The following TH variants were observed in gnomAD, a reference collection of about 807,000 sequenced individuals.
The protein encoded by TH is tyrosine 3-monooxygenase.
In TH, 49 loss-of-function variants were observed where a neutral mutation model predicts 57.4. The observed-to-expected ratio is 0.85, with a 90% CI of 0.68 to 1.08. TH has a LOEUF of 1.08. TH is among the 50% of genes least tolerant of loss of function. The pLI, the probability that TH is intolerant of heterozygous loss-of-function variation, is 0.00. For synonymous variants in TH, 330 were observed against 304.5 expected, an observed-to-expected ratio of 1.08 and a Z score of -0.87; for missense variants, 720 against 696.7, an observed-to-expected ratio of 1.03 and a Z score of -0.38.
chr11:2,166,634 G>C lies in TH; in HGVS notation c.976C>G (p.Pro326Ala). 1 of 1,579,930 alleles carries C rather than the reference G, an allele frequency of 6.3e-7. No individual in the cohort carries two copies. The highest frequency in any genetic ancestry group is 8.6e-7 in the Non-Finnish European group (1 of 1,164,248). The change falls in exon 8 of 13, where the codon CCG (proline) becomes GCG (alanine). Residue 326 changes from proline to alanine, a missense_variant and splice_region_variant. Coordinates refer to ENST00000352909, the MANE Select transcript of TH (RefSeq NM_000360.4). ...HASSPMHSPE[P>A]DCCHELLGHV... Reference sequence around the variant, plus strand: ...CTGGCGGCCAGGGCGCGCACTCACGGCTCAGGGGAGTGCATGGGCGAGGAC... The same window carrying C: ...CTGGCGGCCAGGGCGCGCACTCACGCCTCAGGGGAGTGCATGGGCGAGGAC...
chr11:2,168,724 A>T, intron 2 of TH, 59 bp from the exon 3 acceptor site: 1 of 98,044 alleles, frequency 1.0e-5, no homozygotes. Flanking sequence ...ATGGAGAGAG[A>T]GGGTGGGGTG....
chr11:2,165,768 G>C lies in TH; in HGVS notation c.1105-5C>G, dbSNP rs535794692. On this transcript the variant is annotated splice_polypyrimidine_tract_variant and splice_region_variant and intron_variant, in intron 10 of 12. Coordinates refer to ENST00000352909, the MANE Select transcript of TH (RefSeq NM_000360.4). The stretch of plus-strand genomic sequence containing the variant: ...CTCCACCGTGAACCAGTACAGCTGC[G>C]GGGAAGCCGGGCAGCATCAGCCCAG... The C allele has an allele frequency of 4.8e-5, 77 of 1,610,860 alleles. No homozygotes were observed. In the Admixed American group the frequency reaches 5.5e-4, roughly 12 times the overall value.
intron 2 of TH, 32 bp downstream of exon 2, chr11:2,169,618 T>A (rs1417877465): frequency 6.2e-7 from 1 of 1,609,138 alleles, no homozygotes; most frequent in East Asian, 2.2e-5. Flanking sequence ...ACAGGTGAAC[T>A]TGCCCCAGGG....
intron 9 of TH, 25 bp downstream of exon 9, chr11:2,166,455 G>A: frequency 6.4e-7 from 1 of 1,554,882 alleles, no homozygotes. Context: ...GGGTGACCCC[G>A]GCTCCCTCCG....
chr11:2,168,270 C>CG lies in TH; in HGVS notation c.488-92dup, dbSNP rs147611260. 7.3e-3 allele frequency: 10,806 copies of CG among 1,470,600 alleles called. 526 individuals are homozygous for CG. In the African/African-American group the frequency reaches 0.12, roughly 16 times the overall value. The allele number at this position is 1,470,600 out of a possible 1,614,324, so 91.1% of individuals were successfully genotyped here. A position where few individuals can be genotyped will look rare whatever the true frequency, so the allele number is the denominator to read the frequency against. ...GAAGCAGCCTCCCCTACAAGACTTCCGGGGGGCAGAGGCAGCCGGGGCTGT... is the reference window on the plus strand; with the variant it reads ...GAAGCAGCCTCCCCTACAAGACTTCCGGGGGGGCAGAGGCAGCCGGGGCTGT... On this transcript the variant is annotated intron_variant, in intron 3 of 12. Coordinates refer to ENST00000352909, the MANE Select transcript of TH (RefSeq NM_000360.4).
chr11:2,169,936 C>T, intron 1 of TH, 65 bp from the exon 2 acceptor site: 2 of 1,500,168 alleles, frequency 1.3e-6, no homozygotes, highest in Non-Finnish European at 1.8e-6. Flanking sequence ...CCACCCACAG[C>T]TGGTCCCACA....
At chr11:2,168,004 G>C (rs1846149021) in intron 4 of TH, 71 bp from the exon 5 acceptor site, 1 of 1,610,196 alleles carries the variant, frequency 6.2e-7, no homozygotes, top group Non-Finnish European at 8.5e-7. Flanking sequence ...GAGGCTCCTG[G>C]AGCCGACAGA....
In TH at chr11:2,165,324, A is replaced by G. The variant is rs894013370; in HGVS notation, c.1242T>C (p.Pro414=). ...GGTAGGGCTGCACGGCCGCAGCCTC[A>G]GGGTCGAAGGCCCGAATCTCAGGCT... The part of the protein sequence containing the change: ...SEEPEIRAFD[P]EAAAVQPYQD... Residue 414 remains proline, a synonymous_variant, in exon 12 of 13, where the codon CCT becomes CCC. Transcript: ENST00000352909. The G allele has an allele frequency of 1.2e-6, 2 of 1,612,426 alleles. No homozygotes were observed. The highest frequency in any genetic ancestry group is 8.5e-7 in the Non-Finnish European group (1 of 1,180,000).
chr11:2,165,972 C>A (rs558000735), intron 10 of TH, 30 bp downstream of exon 10: 1 of 1,555,676 alleles, frequency 6.4e-7, no homozygotes, highest in South Asian at 1.2e-5. Context: ...AAACCCACAC[C>A]CCAGGCCCTG....
Position 2,171,743 on chromosome 11 carries a change from C to T in TH, c.44G>A (p.Arg15His), listed in dbSNP as rs199648386. Residue 15 changes from arginine to histidine, a missense_variant, in exon 1 of 13, where the codon CGC becomes CAC. Arg to His is a conservative substitution (Grantham distance 29, BLOSUM62 0). Transcript: ENST00000352909. The surrounding 1 kb of genome is among the most constrained non-coding windows in gnomAD (Gnocchi z 8.6). Reference sequence around the variant, plus strand: ...GGCGTCCAGCTCAGACACGGCCCTGCGGAAGCCCTTGGCCTGTGGCGTGGT... The same window carrying T: ...GGCGTCCAGCTCAGACACGGCCCTGTGGAAGCCCTTGGCCTGTGGCGTGGT... ...DATTPQAKGF[R>H]RAVSELDAKQ... 7.8e-5 allele frequency: 126 copies of T among 1,612,666 alleles called. No individual in the cohort carries two copies. Among genetic ancestry groups the T allele is most frequent in the South Asian group, 6.6e-5 (6 of 91,058 alleles).
In TH at chr11:2,168,587, A is replaced by C. The variant is rs200536568; in HGVS notation, c.391T>G (p.Phe131Val). 2.9e-4 allele frequency: 461 copies of C among 1,611,804 alleles called. No individual in the cohort carries two copies. The highest frequency in any genetic ancestry group is 3.6e-4 in the Non-Finnish European group (429 of 1,179,742). ...CCTCGGCGCACCTCGAGGCGCACGA[A>C]GTACTCCAGGTGGGGGCCCCCAGCT... Reference protein sequence around the residue: ...PRAGGPHLEYFVRLEVRRGDL... With the variant: ...PRAGGPHLEYVVRLEVRRGDL... The change falls in exon 3 of 13, where the codon TTC becomes GTC. Residue 131 changes from phenylalanine (F) to valine (V), a missense_variant. Transcript: ENST00000352909.
In TH at chr11:2,166,860, C is replaced by G. The variant is rs1308165065; in HGVS notation, c.841+27G>C. Reference sequence around the variant, plus strand: ...TGGCTGACCATCCCCGGCCCCCCGGCTCTGCGCCCCTCCCGTCTGGGCACA... The same window carrying G: ...TGGCTGACCATCCCCGGCCCCCCGGGTCTGCGCCCCTCCCGTCTGGGCACA... On this transcript the variant is annotated intron_variant, in intron 7 of 12. Transcript: ENST00000352909. 3.8e-6 allele frequency: 6 copies of G among 1,597,540 alleles called. No individual in the cohort carries two copies. In the South Asian group the frequency reaches 6.8e-5, roughly 18 times the overall value.
rs993765578 is a variant in TH at position 2,167,424 on chromosome 11, G to A, written c.695+11C>T. ...GCTCCTCCCCAGCCCCTAGCTGCAC[G>A]GAGGTCTCACCAGGTGGCAATCTCC... is the stretch of plus-strand genomic sequence containing the variant. On this transcript the variant is annotated intron_variant, in intron 6 of 12. Coordinates refer to ENST00000352909, the MANE Select transcript of TH (RefSeq NM_000360.4). 6 of 1,559,374 alleles carry A rather than the reference G, an allele frequency of 3.8e-6. No individual in the cohort carries two copies. Among genetic ancestry groups the A allele is most frequent in the Non-Finnish European group, 4.3e-6 (5 of 1,151,612 alleles).
In TH at chr11:2,168,074, A is replaced by AG. The variant is rs1238963534; in HGVS notation, c.576+16dup. ...TGATCAGGGGCAGGAGGCCTGAGTG[A>AG]GGGGCGCACCACTCACCGGGTGGTC... is the stretch of plus-strand genomic sequence containing the variant. On this transcript the variant is annotated intron_variant, in intron 4 of 12. Transcript: ENST00000352909. The AG allele has an allele frequency of 1.1e-5, 18 of 1,612,878 alleles. No individual in the cohort carries two copies. Among genetic ancestry groups the AG allele is most frequent in the Non-Finnish European group, 1.4e-5 (17 of 1,179,750 alleles).
Position 2,171,599 on chromosome 11 carries a change from C to T in TH, c.90+98G>A. 7.2e-7 allele frequency: 1 copy of T among 1,383,252 alleles called. No individual in the cohort carries two copies. The highest frequency in any genetic ancestry group is 1.0e-6 in the Non-Finnish European group (1 of 992,606). The allele number at this position is 1,383,252 out of a possible 1,614,324, so 85.7% of individuals were successfully genotyped here. A position where few individuals can be genotyped will look rare whatever the true frequency, so the allele number is the denominator to read the frequency against. ...CCAGGGGTTTGCATGGACCCTGAGC[C>T]TGGGGCTGCCAGCCAGGCTGGGGAG... is the stretch of plus-strand genomic sequence containing the variant. On this transcript the variant is annotated intron_variant, in intron 1 of 12. Transcript: ENST00000352909. The surrounding 1 kb of genome is among the most constrained non-coding windows in gnomAD (Gnocchi z 8.6).
Position 2,167,864 on chromosome 11 carries a change from A to G in TH, c.644+2T>C. ...TGGGTCCCGAGCGCAGGGGCCCCTCACTGCCTGTACTGGAAGGCGATCTCA... is the reference window on the plus strand; with the variant it reads ...TGGGTCCCGAGCGCAGGGGCCCCTCGCTGCCTGTACTGGAAGGCGATCTCA... On this transcript the variant is annotated splice_donor_variant, in intron 5 of 12. Transcript: ENST00000352909. LOFTEE classifies it high-confidence loss of function. The G allele has an allele frequency of 1.9e-6, 3 of 1,602,668 alleles. No individual in the cohort carries two copies. The highest frequency in any genetic ancestry group is 2.6e-6 in the Non-Finnish European group (3 of 1,174,790).
rs199839852 is a variant in TH at position 2,165,698 on chromosome 11, G to A, written c.1170C>T (p.Ala390=). ...KQNGEVKAYG[A]GLLSSYGELL... ...GCTCCCCGTAGGAGGACAGCAGCCCGGCACCATAGGCCTTCACCTCCCCGT... is the reference window on the plus strand; with the variant it reads ...GCTCCCCGTAGGAGGACAGCAGCCCAGCACCATAGGCCTTCACCTCCCCGT... Residue 390 remains alanine, a synonymous_variant, in exon 11 of 13, where the codon GCC becomes GCT. Coordinates refer to ENST00000352909, the MANE Select transcript of TH (RefSeq NM_000360.4). 7.4e-5 allele frequency: 120 copies of A among 1,612,618 alleles called. No individual in the cohort carries two copies. The highest frequency in any genetic ancestry group is 1.9e-4 in the South Asian group (17 of 91,080).
rs1358280094 is a variant in TH, at chr11:2,168,165, T to C, written c.502A>G (p.Arg168Gly). The C allele has an allele frequency of 1.2e-6, 2 of 1,613,394 alleles. No homozygotes were observed. The highest frequency in any genetic ancestry group is 3.3e-5 in the Admixed American group (2 of 59,996). The change falls in exon 4 of 13, where the codon AGA becomes GGA. Residue 168 changes from arginine (R) to glycine (G), a missense_variant. Physicochemically the swap from Arg to Gly is moderately radical, Grantham distance 125 (BLOSUM62 -2). Transcript: ENST00000352909. ...CACTTGTCCAGCTCTGACACTTTTCTTGGGAACCAGGGGACTTTATGGGTG... is the reference window on the plus strand; with the variant it reads ...CACTTGTCCAGCTCTGACACTTTTCCTGGGAACCAGGGGACTTTATGGGTG... ...PAGPKVPWFPRKVSELDKCHH... is the reference protein window; with the variant it reads ...PAGPKVPWFPGKVSELDKCHH...
In TH at chr11:2,168,473, G is replaced by T. The variant is rs1398920866; in HGVS notation, c.487+18C>A. The T allele has an allele frequency of 3.1e-6, 5 of 1,611,976 alleles. No homozygotes were observed. Among genetic ancestry groups the T allele is most frequent in the Non-Finnish European group, 3.4e-6 (4 of 1,179,728 alleles). The stretch of plus-strand genomic sequence containing the variant: ...TCAAGGTCATTTGGTGGCCCTCAAG[G>T]ACAGAAAACCGCCTCACCCTTGGGC... On this transcript the variant is annotated intron_variant, in intron 3 of 12. Transcript: ENST00000352909.
Sources: gnomAD v4.1 joint callset for allele counts on GRCh38, gnomAD v4.1.1 for gene constraint, Gnocchi (gnomAD v3.1) non-coding constraint, MANE v1.5 for transcripts, NCBI Gene and HGNC (gene_info 2026-07-23, HGNC 2026-07-21) for gene names.